UGT1A8: variants seen among roughly 807,000 people sequenced by gnomAD.
UGT1A8 encodes UDP-glucuronosyltransferase 1A8.
A neutral mutation model predicts 45.3 loss-of-function variants in UGT1A8; 39 were observed. The ratio of observed to expected loss-of-function variants is 0.86; its 90% confidence interval spans 0.67 to 1.12. UGT1A8 has a LOEUF of 1.12. UGT1A8 is among the 50% of genes most tolerant of loss of function. The pLI, the probability that UGT1A8 is intolerant of heterozygous loss-of-function variation, is 0.00. For missense variants in UGT1A8, 719 were observed against 664.9 expected, an observed-to-expected ratio of 1.08 and a Z score of -0.90; for synonymous variants, 275 against 249.2, an observed-to-expected ratio of 1.10 and a Z score of -0.97.
intron 1 of UGT1A8, among the ~76,000 whole-genome samples, chr2:233,625,642 A>G (rs954628033): frequency 1.4e-4 from 21 of 151,806 alleles, no homozygotes; most frequent in African/African-American, 3.9e-4. Flanking sequence ...CTTTGTAACA[A>G]CATGGATGCA....
rs193246215 is a variant in UGT1A8, at chr2:233,754,852, G to A, written c.856-12182G>A. On this transcript the variant is annotated intron_variant, in intron 1 of 4. Coordinates refer to ENST00000373450, the MANE Select transcript of UGT1A8 (RefSeq NM_019076.5). ...GGAAATTCACTGAAGGCAGAGAAAAGGGGTGCAGACCCTCTGCTTCTGCTT... is the reference window on the plus strand; with the variant it reads ...GGAAATTCACTGAAGGCAGAGAAAAAGGGTGCAGACCCTCTGCTTCTGCTT... 19 of 1,345,310 alleles carry A rather than the reference G, an allele frequency of 1.4e-5. No individual in the cohort carries two copies. The Middle Eastern group carries it at 6.3e-4, about 45-fold the overall frequency. The allele number at this position is 1,345,310 out of a possible 1,614,324, so 83.3% of individuals were successfully genotyped here. A position where few individuals can be genotyped will look rare whatever the true frequency, so the allele number is the denominator to read the frequency against.
In UGT1A8 at chr2:233,741,465, T is replaced by C. The variant is rs1260988830; in HGVS notation, c.856-25569T>C. The stretch of plus-strand genomic sequence containing the variant: ...ACTACTCAGTGAGTATCTTCACACA[T>C]GTAAGTTCCCTCGTCTGATGTACAA... On this transcript the variant is annotated intron_variant, in intron 1 of 4. Coordinates refer to ENST00000373450, the MANE Select transcript of UGT1A8 (RefSeq NM_019076.5). 6 of 151,930 alleles carry C rather than the reference T, an allele frequency of 3.9e-5. 1 individual carries two copies. Among genetic ancestry groups the C allele is most frequent in the African/African-American group, 1.2e-4 (5 of 41,162 alleles). 9.4% of individuals were successfully genotyped at this position (151,930 alleles called of 1,614,324 possible).
chr2:233,641,689 C>T (rs758368537), intron 1 of UGT1A8, among the ~76,000 whole-genome samples: 1 of 152,138 alleles, frequency 6.6e-6, no homozygotes, highest in Non-Finnish European at 1.5e-5. Context: ...CTTGTAGGAT[C>T]GGTCTGGAAT....
At position 233,768,261 on chromosome 2, in the gene UGT1A8, C is replaced by T; in HGVS notation, c.1117C>T (p.His373Tyr). The change falls in exon 4 of 5, where the codon CAT becomes TAT. Residue 373 changes from histidine to tyrosine, a missense_variant. His to Tyr is a moderately conservative substitution (Grantham distance 83). Coordinates refer to ENST00000373450, the MANE Select transcript of UGT1A8 (RefSeq NM_019076.5). ...TRAFITHAGS[H>Y]GVYESICNGV... ...TGCCTTTATCACCCATGCTGGTTCC[C>T]ATGGTGTTTATGAAAGCATATGCAA... 6.8e-6 allele frequency: 11 copies of T among 1,614,164 alleles called. No individual in the cohort carries two copies. Among genetic ancestry groups the T allele is most frequent in the Non-Finnish European group, 9.3e-6 (11 of 1,180,032 alleles).
chr2:233,728,519 T>A (rs554437278), intron 1 of UGT1A8, among the ~76,000 whole-genome samples: 5 of 152,180 alleles, frequency 3.3e-5, no homozygotes, highest in Admixed American at 1.3e-4. Context: ...TTTTCTATAT[T>A]GACAGCCACT....
chr2:233,721,696 T>C (rs1281841318), intron 1 of UGT1A8: 6 of 355,902 alleles, frequency 1.7e-5, no homozygotes, highest in Non-Finnish European at 2.8e-5. Flanking sequence ...GCAAGACGCA[T>C]GGCTCATCTT....
intron 1 of UGT1A8, among the ~76,000 whole-genome samples, chr2:233,703,679 T>A (rs1325458220): frequency 1.3e-5 from 2 of 152,114 alleles, no homozygotes; most frequent in Non-Finnish European, 2.9e-5. Flanking sequence ...CATGATATAT[T>A]TTTTTTCCAC....
chr2:233,664,491 T>C (rs982939023), intron 1 of UGT1A8, among the ~76,000 whole-genome samples: 1 of 152,328 alleles, frequency 6.6e-6, no homozygotes, highest in South Asian at 2.1e-4. Flanking sequence ...GCTCAAGATT[T>C]TGCAGGCTGT....
At chr2:233,636,316 A>C in intron 1 of UGT1A8, 1 of 870,266 alleles carries the variant, frequency 1.1e-6, no homozygotes, top group Non-Finnish European at 1.6e-6. Flanking sequence ...TTGTCTGGAA[A>C]TCATACAAGT....
intron 1 of UGT1A8, chr2:233,708,386 G>A (rs1189404763): frequency 1.3e-5 from 2 of 152,170 alleles, no homozygotes; most frequent in Non-Finnish European, 2.9e-5. Flanking sequence ...TTTTGTGTGT[G>A]TGTGTTTACT....
intron 1 of UGT1A8, among the ~76,000 whole-genome samples, chr2:233,655,847 C>A (rs2073842867): frequency 6.6e-6 from 1 of 152,260 alleles, no homozygotes; most frequent in Admixed American, 6.5e-5. Flanking sequence ...TCAGTTCCCC[C>A]ATCCCCTCAC....
At chr2:233,753,960 G>C (rs563043918) in intron 1 of UGT1A8, among the ~76,000 whole-genome samples, 1 of 152,300 alleles carries the variant, frequency 6.6e-6, no homozygotes, top group East Asian at 1.9e-4. Flanking sequence ...AAAATATTAA[G>C]AGAATAACGT....
At chr2:233,641,003 A>T (rs139216611) in intron 1 of UGT1A8, among the ~76,000 whole-genome samples, 2 of 152,142 alleles carry the variant, frequency 1.3e-5, no homozygotes, top group Admixed American at 1.3e-4. Context: ...ATCTTCCTGC[A>T]CCCAGCGATC....
intron 1 of UGT1A8, among the ~76,000 whole-genome samples, chr2:233,635,598 A>G (rs2073270886): frequency 6.6e-6 from 1 of 150,704 alleles, no homozygotes; most frequent in African/African-American, 2.5e-5. Context: ...TGACCATGAT[A>G]TATGGAGGGG....
chr2:233,756,137 T>C (rs776575222), intron 1 of UGT1A8: 2 of 152,178 alleles, frequency 1.3e-5, no homozygotes, highest in Non-Finnish European at 2.9e-5. Context: ...TCCTGAAAAA[T>C]TACTGGGGAT....
chr2:233,661,622 A>ATTTTCTTTCTTTCTTTTC (rs71058570), intron 1 of UGT1A8, among the ~76,000 whole-genome samples: 2 of 68,474 alleles, frequency 2.9e-5, no homozygotes, highest in South Asian at 5.2e-4. Context: ...GACTTACTGA[A>ATTTTCTTTCTTTCTTTTC]TTTTCTTTCT....
At position 233,719,508 on chromosome 2, in the gene UGT1A8, C is replaced by T. The variant is rs760142681; in HGVS notation, c.856-47526C>T. The stretch of plus-strand genomic sequence containing the variant: ...CTACATTTGCCATACTTTTTCTGCC[C>T]CTTATGCAAGTCTTGCCTCTGAGCT... On this transcript the variant is annotated intron_variant, in intron 1 of 4. Coordinates refer to ENST00000373450, the MANE Select transcript of UGT1A8 (RefSeq NM_019076.5). 7 of 1,613,820 alleles carry T rather than the reference C, an allele frequency of 4.3e-6. No homozygotes were observed. In the South Asian group the frequency reaches 5.5e-5, roughly 13 times the overall value.
chr2:233,760,574 G>A lies in UGT1A8; in HGVS notation c.856-6460G>A, dbSNP rs1287104845. On this transcript the variant is annotated intron_variant, in intron 1 of 4. Coordinates refer to ENST00000373450, the MANE Select transcript of UGT1A8 (RefSeq NM_019076.5). ...GTGAAAGAGTCTTTTGTTAGTCTCG[G>A]GCATAATGTTTTTGAGAATGATTCT... The A allele has an allele frequency of 6.2e-7, 1 of 1,614,190 alleles. No individual in the cohort carries two copies. The highest frequency in any genetic ancestry group is 1.3e-5 in the African/African-American group (1 of 75,038).
At chr2:233,667,130 A>G (rs2074096073) in intron 1 of UGT1A8, among the ~76,000 whole-genome samples, 1 of 152,188 alleles carries the variant, frequency 6.6e-6, no homozygotes, top group Admixed American at 6.5e-5. Context: ...GTGTCTTTAT[A>G]GCAGCATGTT....
Sources: gnomAD v4.1 joint callset for allele counts (sites outside exome capture counted in the v4.1 genomes callset) on GRCh38, gnomAD v4.1.1 for gene constraint, MANE v1.5 for transcripts, NCBI Gene and HGNC (gene_info 2026-07-23, HGNC 2026-07-21) for gene names.